The following NRXN1 variants were observed in gnomAD, a reference collection of about 807,000 sequenced individuals.
NRXN1 encodes neurexin-1.
NRXN1 carries 39 observed loss-of-function variants against 150.9 expected under a neutral mutation model. That is an observed-to-expected ratio of 0.26 (90% CI 0.20 to 0.34). The LOEUF is 0.34. Among genes scored for constraint, NRXN1 ranks in the 10% least tolerant of loss-of-function variants. NRXN1 has a pLI of 1.00. For synonymous variants in NRXN1, 924 were observed against 757.0 expected (o/e 1.22, Z -3.62); for missense variants, 1,815 against 1,949.9 (o/e 0.93, Z 1.30).
chr2:50,354,131 C>T (rs911211900), intron 17 of NRXN1, among the ~76,000 whole-genome samples: 4 of 152,130 alleles, frequency 2.6e-5, no homozygotes, highest in African/African-American at 9.7e-5. Context: ...GATCATAGTG[C>T]TGTTCCCAGT....
intron 5 of NRXN1, among the ~76,000 whole-genome samples, chr2:50,743,681 C>T (rs774403396): frequency 2.6e-5 from 4 of 152,144 alleles, no homozygotes; most frequent in East Asian, 1.9e-4. Context: ...TTAACCATCA[C>T]GTGATCTTTT....
At chr2:50,377,829 T>A (rs1292963487) in intron 17 of NRXN1, among the ~76,000 whole-genome samples, 1 of 152,176 alleles carries the variant, frequency 6.6e-6, no homozygotes, top group African/African-American at 2.4e-5. Flanking sequence ...AGCTGAGTGG[T>A]TGAATCCGAA....
chr2:50,881,903 T>TA (rs1265034603), intron 5 of NRXN1, among the ~76,000 whole-genome samples: 1 of 151,680 alleles, frequency 6.6e-6, no homozygotes, highest in African/African-American at 2.4e-5. Flanking sequence ...ACTGTTTTTT[T>TA]AAAAAAATAT....
At position 50,426,742 on chromosome 2, in the gene NRXN1, G is replaced by A. The variant is rs549081641; in HGVS notation, c.3364+38700C>T. Reference sequence around the variant, plus strand: ...AATTCAGTCCCTGACCCATGCCAAAGAACAGAATATAGCTACCCAAACCTT... The same window carrying A: ...AATTCAGTCCCTGACCCATGCCAAAAAACAGAATATAGCTACCCAAACCTT... On this transcript the variant is annotated intron_variant, in intron 17 of 22. Coordinates refer to ENST00000401669, the MANE Select transcript of NRXN1 (RefSeq NM_001330078.2). Among the ~76,000 whole-genome samples the A allele has an allele frequency of 3.3e-5, 5 of 152,232 alleles. No individual in the cohort carries two copies. In the South Asian group the frequency reaches 1.0e-3, roughly 32 times the overall value.
chr2:50,467,729 T>C (rs964996353), intron 16 of NRXN1, among the ~76,000 whole-genome samples: 3 of 151,404 alleles, frequency 2.0e-5, no homozygotes, highest in Admixed American at 6.6e-5. Context: ...AGTAGTAATA[T>C]AATAAGAAGA....
In NRXN1 at chr2:50,820,485, A is replaced by G. The variant is rs865946173; in HGVS notation, c.832+101384T>C. Reference sequence around the variant, plus strand: ...GCTGTACTGCTATGGACCTCATTTAAGACCACAAACACTTTTTCAATGATT... The same window carrying G: ...GCTGTACTGCTATGGACCTCATTTAGGACCACAAACACTTTTTCAATGATT... On this transcript the variant is annotated intron_variant, in intron 5 of 22. Transcript: ENST00000401669. Among the ~76,000 whole-genome samples the G allele has an allele frequency of 3.9e-5, 6 of 152,264 alleles. No individual in the cohort carries two copies. The Middle Eastern group carries it at 0.017, about 432-fold the overall frequency.
intron 17 of NRXN1, among the ~76,000 whole-genome samples, chr2:50,266,207 C>A (rs539520352): frequency 6.7e-6 from 1 of 148,962 alleles, no homozygotes. Flanking sequence ...CCATGTTGGC[C>A]GGGTTGGTCT....
chr2:50,110,563 A>G (rs922135724), intron 18 of NRXN1, among the ~76,000 whole-genome samples: 2 of 152,092 alleles, frequency 1.3e-5, no homozygotes, highest in Non-Finnish European at 2.9e-5. Context: ...AACCTTCAAA[A>G]TAAAAAATAA....
intron 2 of NRXN1, among the ~76,000 whole-genome samples, chr2:50,990,873 T>A (rs1465071412): frequency 5.3e-5 from 8 of 151,862 alleles, no homozygotes; most frequent in African/African-American, 1.9e-4. Flanking sequence ...ATCTTAGCCT[T>A]CCTCTCTGGG....
intron 19 of NRXN1, among the ~76,000 whole-genome samples, chr2:50,056,048 T>G (rs1233428881): frequency 6.6e-6 from 1 of 152,082 alleles, no homozygotes; most frequent in Non-Finnish European, 1.5e-5. Context: ...CGGTGTTGAG[T>G]TGTGTATAAT....
chr2:50,275,986 G>GC lies in NRXN1; in HGVS notation c.3365-39017dup, dbSNP rs1553363740. On this transcript the variant is annotated intron_variant, in intron 17 of 22. Coordinates refer to ENST00000401669, the MANE Select transcript of NRXN1 (RefSeq NM_001330078.2). ...TCATATTATTACCCATTCCTACCTT[G>GC]CAAAAAAAAAAAAAAAGCCCAGTCT... Among the ~76,000 whole-genome samples, 19 of 49,462 alleles carry GC rather than the reference G, an allele frequency of 3.8e-4. No homozygotes were observed. In the East Asian group the frequency reaches 0.011, roughly 27 times the overall value. 32.4% of individuals were successfully genotyped at this position (49,462 alleles called of 152,430 possible).
At chr2:50,027,659 T>C (rs141306651) in intron 21 of NRXN1, among the ~76,000 whole-genome samples, 2 of 152,296 alleles carry the variant, frequency 1.3e-5, no homozygotes, top group South Asian at 2.1e-4. Context: ...CTTGAACTCC[T>C]GGGCTCAAGT....
chr2:50,937,029 G>A (rs949706266), intron 2 of NRXN1, among the ~76,000 whole-genome samples: 1 of 152,036 alleles, frequency 6.6e-6, no homozygotes, highest in Non-Finnish European at 1.5e-5. Context: ...GAGACTTCTA[G>A]GGTCTGTTAT....
At chr2:50,844,317 T>C (rs1017855550) in intron 5 of NRXN1, among the ~76,000 whole-genome samples, 3 of 152,196 alleles carry the variant, frequency 2.0e-5, no homozygotes, top group Non-Finnish European at 4.4e-5. Context: ...ACTTCTCCGC[T>C]TAAATTTTGA....
intron 21 of NRXN1, among the ~76,000 whole-genome samples, chr2:50,043,326 C>CTT (rs1184943811): frequency 6.6e-6 from 1 of 152,170 alleles, no homozygotes; most frequent in African/African-American, 2.4e-5. Context: ...AAGTTGGGCA[C>CTT]TTAACTTTCC....
At chr2:49,964,338 G>A (rs1185979535) in intron 21 of NRXN1, among the ~76,000 whole-genome samples, 4 of 152,132 alleles carry the variant, frequency 2.6e-5, no homozygotes, top group Non-Finnish European at 5.9e-5. Context: ...CCAGCACTTT[G>A]GGAGGCTGAG....
chr2:50,247,600 C>A (rs1035334091), intron 17 of NRXN1, among the ~76,000 whole-genome samples: 1 of 152,100 alleles, frequency 6.6e-6, no homozygotes. Flanking sequence ...AAGAAAACAT[C>A]TAACAAACCC....
chr2:50,015,759 T>C (rs981167436), intron 21 of NRXN1, among the ~76,000 whole-genome samples: 2 of 152,138 alleles, frequency 1.3e-5, no homozygotes, highest in Admixed American at 6.5e-5. Flanking sequence ...AAGAGATTCA[T>C]AGATTAATAT....
At chr2:50,384,125 T>G (rs2081155680) in intron 17 of NRXN1, among the ~76,000 whole-genome samples, 1 of 152,196 alleles carries the variant, frequency 6.6e-6, no homozygotes, top group African/African-American at 2.4e-5. Flanking sequence ...ATATGGATTT[T>G]CCTAAGTGAC....
Sources: gnomAD v4.1 joint callset for allele counts (sites outside exome capture counted in the v4.1 genomes callset) on GRCh38, gnomAD v4.1.1 for gene constraint, MANE v1.5 for transcripts, NCBI Gene and HGNC (gene_info 2026-07-23, HGNC 2026-07-21) for gene names.